OR3A2: variants seen among roughly 807,000 people sequenced by gnomAD.
OR3A2 encodes olfactory receptor 3A2.
For missense variants in OR3A2, 318 were observed against 392.8 expected (o/e 0.81, Z 1.61); for synonymous variants, 126 against 159.3 (o/e 0.79, Z 1.57).
intron 3 of OR3A2, among the ~76,000 whole-genome samples, chr17:3,322,406 TCTA>T: frequency 6.6e-6 from 1 of 152,210 alleles, no homozygotes; most frequent in East Asian, 1.9e-4. Flanking sequence ...TTTCTTGCCT[TCTA>T]CTAGCTTTTG....
chr17:3,325,896 T>C (rs568945002), intron 3 of OR3A2, among the ~76,000 whole-genome samples: 5 of 152,200 alleles, frequency 3.3e-5, no homozygotes, highest in South Asian at 2.1e-4. Flanking sequence ...ATCACCTAGG[T>C]ATTAAGCCCA....
At position 3,367,903 on chromosome 17, in the gene OR3A2, T is replaced by C. The variant is rs541777291; in HGVS notation, c.-179+15901A>G. Reference sequence around the variant, plus strand: ...TTCACCACATCCACACCAGTATCTATTATTTTTTGAGTTTTTAATTATGGC... The same window carrying C: ...TTCACCACATCCACACCAGTATCTACTATTTTTTGAGTTTTTAATTATGGC... On this transcript the variant is annotated intron_variant, in intron 2 of 4. Coordinates refer to the OR3A2 transcript ENST00000573491. 3.3e-5 allele frequency among the ~76,000 whole-genome samples: 5 copies of C among 152,184 alleles called. No homozygotes were observed. The East Asian group carries it at 9.6e-4, about 29-fold the overall frequency.
At chr17:3,381,823 T>C (rs1240521156) in intron 2 of OR3A2, among the ~76,000 whole-genome samples, 1 of 152,174 alleles carries the variant, frequency 6.6e-6, no homozygotes, top group African/African-American at 2.4e-5. Context: ...CTGTGGAGTC[T>C]TCCCTGACTT....
At chr17:3,327,968 T>C (rs2049191699) in intron 3 of OR3A2, among the ~76,000 whole-genome samples, 1 of 141,042 alleles carries the variant, frequency 7.1e-6, no homozygotes, top group African/African-American at 2.9e-5. Flanking sequence ...AGCCTTGTAG[T>C]ATAGTTTGAA....
chr17:3,370,450 T>C lies in OR3A2; in HGVS notation c.-179+13354A>G, dbSNP rs118061805. On this transcript the variant is annotated intron_variant, in intron 2 of 4. Transcript: ENST00000573491. Reference sequence around the variant, plus strand: ...GTTAATCTCAAGAATGGTCTATCAATTTCTTTATCTTGTCAAAGAACCAGC... The same window carrying C: ...GTTAATCTCAAGAATGGTCTATCAACTTCTTTATCTTGTCAAAGAACCAGC... 6.2e-3 allele frequency among the ~76,000 whole-genome samples: 948 copies of C among 152,328 alleles called. 12 individuals are homozygous for C. The highest frequency in any genetic ancestry group is 5.7e-3 in the Non-Finnish European group (388 of 68,030).
intron 2 of OR3A2, among the ~76,000 whole-genome samples, chr17:3,376,510 T>C (rs1295536925): frequency 2.0e-5 from 3 of 152,222 alleles, no homozygotes; most frequent in Middle Eastern, 3.4e-3. Context: ...ACTGGAGTTA[T>C]GTTCCCAGGG....
At chr17:3,362,957 C>G (rs1447549601) in intron 2 of OR3A2, among the ~76,000 whole-genome samples, 1 of 151,882 alleles carries the variant, frequency 6.6e-6, no homozygotes, top group African/African-American at 2.4e-5. Context: ...ACAGCTGGAG[C>G]TGCAGCAGCT....
chr17:3,329,710 C>T (rs1316813048), intron 3 of OR3A2, among the ~76,000 whole-genome samples: 4 of 132,756 alleles, frequency 3.0e-5, no homozygotes, highest in East Asian at 2.1e-4. Context: ...TCTCTATTTC[C>T]TTCAGTTCTG....
intron 1 of OR3A2, 29 bp downstream of exon 4, chr17:3,279,047 G>T: frequency 6.7e-7 from 1 of 1,486,942 alleles, no homozygotes; most frequent in South Asian, 1.4e-5. Flanking sequence ...CTCACTCGTT[G>T]ACCTCCTCCA....
At chr17:3,290,131 TA>T in intron 3 of OR3A2, among the ~76,000 whole-genome samples, 1 of 152,230 alleles carries the variant, frequency 6.6e-6, no homozygotes, top group Non-Finnish European at 1.5e-5. Flanking sequence ...TAGCATAACT[TA>T]AAATATCAAT....
intron 2 of OR3A2, among the ~76,000 whole-genome samples, chr17:3,360,445 G>T (rs1427839477): frequency 6.6e-6 from 1 of 151,632 alleles, no homozygotes; most frequent in East Asian, 1.9e-4. Context: ...GTCAATTTTG[G>T]CTTTTGTTGC....
intron 3 of OR3A2, among the ~76,000 whole-genome samples, chr17:3,322,971 G>T (rs1377053195): frequency 1.3e-5 from 2 of 152,150 alleles, no homozygotes; most frequent in African/African-American, 4.8e-5. Context: ...ACAGTGGGGT[G>T]TTAAAGTCTC....
intron 2 of OR3A2, among the ~76,000 whole-genome samples, chr17:3,347,026 T>C (rs1272562291): frequency 1.3e-5 from 2 of 152,124 alleles, no homozygotes; most frequent in East Asian, 1.9e-4. Flanking sequence ...CTTTGATATA[T>C]TGATTTTCTT....
intron 2 of OR3A2, among the ~76,000 whole-genome samples, chr17:3,352,796 A>G (rs996687912): frequency 6.6e-6 from 1 of 151,982 alleles, no homozygotes; most frequent in South Asian, 2.1e-4. Flanking sequence ...TGTCATTGGT[A>G]TTTTGATAAG....
intron 2 of OR3A2, among the ~76,000 whole-genome samples, chr17:3,343,346 G>C (rs772231115): frequency 6.6e-6 from 1 of 152,188 alleles, no homozygotes; most frequent in African/African-American, 2.4e-5. Flanking sequence ...TGTCGATCAT[G>C]CTGGAAGCTG....
At chr17:3,280,718 A>G (rs1055568207) in intron 1 of OR3A2, among the ~76,000 whole-genome samples, 1 of 152,188 alleles carries the variant, frequency 6.6e-6, no homozygotes. Flanking sequence ...AAGCAGCTGG[A>G]GGGGAACAGT....
chr17:3,333,785 A>G (rs915071348), intron 3 of OR3A2, among the ~76,000 whole-genome samples: 1 of 152,236 alleles, frequency 6.6e-6, no homozygotes, highest in African/African-American at 2.4e-5. Flanking sequence ...GCTTCTGCAC[A>G]GCAAGATAAA....
At position 3,311,461 on chromosome 17, in the gene OR3A2, GCT is replaced by G. The variant is rs1331997214; in HGVS notation, c.-85+24570_-85+24571del. The G allele has an allele frequency of 2.2e-6, 1 of 455,352 alleles. No homozygotes were observed. The highest frequency in any genetic ancestry group is 4.5e-6 in the Non-Finnish European group (1 of 221,136). 28.2% of individuals were successfully genotyped at this position (455,352 alleles called of 1,614,324 possible). On this transcript the variant is annotated intron_variant, in intron 3 of 4. Coordinates refer to the OR3A2 transcript ENST00000573491. This position sits in a 1 kb window ranked among gnomAD's most constrained non-coding sequence, Gnocchi z 4.6. ...TTGCTGCACTGTCTCCTTCATCAATGCTCTGACTCACACAGTGGCTGTGTCTG... is the reference window on the plus strand; with the variant it reads ...TTGCTGCACTGTCTCCTTCATCAATGCTGACTCACACAGTGGCTGTGTCTG...
chr17:3,290,778 A>G (rs1263853454), intron 3 of OR3A2, among the ~76,000 whole-genome samples: 2 of 152,214 alleles, frequency 1.3e-5, no homozygotes, highest in Admixed American at 6.5e-5. Context: ...ACTTGCATTT[A>G]TAGTTATGGA....
Sources: allele counts gnomAD v4.1 joint callset (sites outside exome capture counted in the v4.1 genomes callset), GRCh38; gene constraint gnomAD v4.1.1; non-coding constraint Gnocchi (gnomAD v3.1); transcripts MANE v1.5; gene names NCBI Gene and HGNC (gene_info 2026-07-23, HGNC 2026-07-21).